TAS1R1: variants seen among roughly 807,000 people sequenced by gnomAD.
TAS1R1 encodes taste 1 receptor member 1.
Under a neutral mutation model 45.8 loss-of-function variants are expected in TAS1R1, and 31 were observed. The ratio of observed to expected loss-of-function variants is 0.68; its 90% CI spans 0.51 to 0.91. The LOEUF (loss-of-function observed/expected upper bound fraction) is 0.91. Among genes scored for constraint, TAS1R1 ranks in the 40% least tolerant of loss-of-function variants. The pLI is 0.00. For synonymous variants in TAS1R1, 437 were observed against 448.4 expected, an observed-to-expected ratio of 0.97 and a Z score of 0.32; for missense variants, 1,051 against 1,063.9, an observed-to-expected ratio of 0.99 and a Z score of 0.17.
intron 1 of TAS1R1, among the ~76,000 whole-genome samples, chr1:6,570,091 C>G (rs1302628410): frequency 6.6e-6 from 1 of 151,600 alleles, no homozygotes; most frequent in Non-Finnish European, 1.5e-5. Flanking sequence ...CTACCCATTC[C>G]TGGGTTTCAG....
intron 1 of TAS1R1, among the ~76,000 whole-genome samples, chr1:6,567,111 A>G (rs913951011): frequency 1.3e-5 from 2 of 152,122 alleles, no homozygotes; most frequent in Non-Finnish European, 2.9e-5. Context: ...TAGAATGGGG[A>G]TGGGTCAATG....
In TAS1R1 at chr1:6,579,712, A is replaced by G; in HGVS notation, c.*128A>G. On this transcript the variant is annotated 3_prime_UTR_variant, in exon 6 of 6. Transcript: ENST00000333172. ...GTTGGGACGTGTAAGCGCCTGGGAG[A>G]GCCTAGACCAGGCTCCGGGCTGCCA... 7.7e-7 allele frequency: 1 copy of G among 1,294,822 alleles called. No individual in the cohort carries two copies. Among genetic ancestry groups the G allele is most frequent in the Non-Finnish European group, 1.0e-6 (1 of 967,728 alleles). 80.2% of individuals were successfully genotyped at this position (1,294,822 alleles called of 1,614,324 possible).
At chr1:6,558,549 G>A (rs1639725724) in intron 1 of TAS1R1, among the ~76,000 whole-genome samples, 1 of 151,956 alleles carries the variant, frequency 6.6e-6, no homozygotes, top group African/African-American at 2.4e-5. Context: ...GTGAAACCCC[G>A]CCTCTACTAA....
intron 5 of TAS1R1, 78 bp from the exon 6 acceptor site, chr1:6,578,575 A>G (rs955694201): frequency 6.6e-7 from 1 of 1,509,966 alleles, no homozygotes; most frequent in African/African-American, 1.4e-5. Flanking sequence ...CAATTCTCCC[A>G]GTATCTTGCA....
intron 5 of TAS1R1, 144 bp from the exon 6 acceptor site, chr1:6,578,509 C>G: frequency 1.4e-6 from 2 of 1,415,342 alleles, no homozygotes; most frequent in Non-Finnish European, 1.9e-6. Context: ...GGCCTCAGGC[C>G]CCACTCCCGG....
intron 2 of TAS1R1, among the ~76,000 whole-genome samples, chr1:6,573,507 T>TC (rs1269104722): frequency 6.6e-6 from 1 of 152,096 alleles, no homozygotes; most frequent in Non-Finnish European, 1.5e-5. Context: ...TCTGCGGACA[T>TC]CCTTAGGGAC....
Position 6,579,485 on chromosome 1 carries a change from G to T in TAS1R1, c.2427G>T (p.Leu809=), listed in dbSNP as rs750315761. 2.4e-5 allele frequency: 38 copies of T among 1,614,010 alleles called. No homozygotes were observed. Among genetic ancestry groups the T allele is most frequent in the Non-Finnish European group, 3.1e-5 (36 of 1,180,026 alleles). Reference sequence around the variant, plus strand: ...GCAGCGGCTTCGGTGGGTATTTTCTGCCTAAGTGCTACGTGATCCTCTGCC... The same window carrying T: ...GCAGCGGCTTCGGTGGGTATTTTCTTCCTAAGTGCTACGTGATCCTCTGCC... ...SLSSGFGGYF[L]PKCYVILCRP... is the part of the protein sequence containing the mutation. Residue 809 remains leucine (L), a synonymous_variant, in exon 6 of 6, where the codon CTG becomes CTT. Coordinates refer to ENST00000333172, the MANE Select transcript of TAS1R1 (RefSeq NM_138697.4).
intron 2 of TAS1R1, among the ~76,000 whole-genome samples, chr1:6,571,852 G>T (rs1319844826): frequency 6.6e-6 from 1 of 152,094 alleles, no homozygotes; most frequent in Non-Finnish European, 1.5e-5. Flanking sequence ...GACACCCTTT[G>T]CTTCCCACCC....
At chr1:6,557,132 A>G (rs1164440669) in intron 1 of TAS1R1, among the ~76,000 whole-genome samples, 1 of 151,108 alleles carries the variant, frequency 6.6e-6, no homozygotes, top group African/African-American at 2.4e-5. Context: ...AGCACACGAG[A>G]TGGTTGGCTC....
At chr1:6,565,861 T>C (rs767395425) in intron 1 of TAS1R1, among the ~76,000 whole-genome samples, 41 of 152,138 alleles carry the variant, frequency 2.7e-4, no homozygotes, top group Non-Finnish European at 4.4e-4. Context: ...TGAAGAAGCC[T>C]GCATTCCTAA....
chr1:6,565,495 C>A (rs988561818), intron 1 of TAS1R1, among the ~76,000 whole-genome samples: 2 of 152,124 alleles, frequency 1.3e-5, no homozygotes. Context: ...GGAGGGCTTC[C>A]TTTTTGTTGG....
intron 1 of TAS1R1, among the ~76,000 whole-genome samples, chr1:6,569,236 C>T (rs893121914): frequency 2.0e-5 from 3 of 151,954 alleles, no homozygotes; most frequent in African/African-American, 7.3e-5. Context: ...GAGGAGTCAT[C>T]GACTGGGGCT....
At position 6,579,262 on chromosome 1, in the gene TAS1R1, A is replaced by G. The variant is rs1570144659; in HGVS notation, c.2204A>G (p.Asn735Ser). ...SLGFILAFLY[N>S]GLLSISAFAC... Reference sequence around the variant, plus strand: ...GGCTTCATACTGGCCTTCCTCTACAATGGCCTCCTCTCCATCAGTGCCTTT... The same window carrying G: ...GGCTTCATACTGGCCTTCCTCTACAGTGGCCTCCTCTCCATCAGTGCCTTT... The change falls in exon 6 of 6, where the codon AAT becomes AGT. Residue 735 changes from asparagine (N) to serine (S), a missense_variant. Asn to Ser is a conservative substitution (Grantham distance 46, BLOSUM62 1). Coordinates refer to ENST00000333172, the MANE Select transcript of TAS1R1 (RefSeq NM_138697.4). 6.2e-7 allele frequency: 1 copy of G among 1,614,174 alleles called. No homozygotes were observed. The highest frequency in any genetic ancestry group is 8.5e-7 in the Non-Finnish European group (1 of 1,180,020).
At position 6,555,534 on chromosome 1, in the gene TAS1R1, G is replaced by A; in HGVS notation, c.161G>A (p.Arg54Lys). The change falls in exon 1 of 6, where the codon AGG (arginine) becomes AAG (lysine). Residue 54 changes from arginine (R) to lysine (K), a missense_variant. Coordinates refer to ENST00000333172, the MANE Select transcript of TAS1R1 (RefSeq NM_138697.4). ...FPLHSGCLQVRHRPEVTLCDR... is the reference protein window; with the variant it reads ...FPLHSGCLQVKHRPEVTLCDR... ...CTCCATTCTGGCTGTCTGCAGGTGA[G>A]GCACAGACCCGAGGTGACCCTGTGT... is the stretch of plus-strand genomic sequence containing the variant. 1.3e-6 allele frequency: 2 copies of A among 1,555,584 alleles called. No individual in the cohort carries two copies. Among genetic ancestry groups the A allele is most frequent in the Non-Finnish European group, 1.7e-6 (2 of 1,149,200 alleles).
intron 1 of TAS1R1, among the ~76,000 whole-genome samples, chr1:6,566,554 C>T (rs981660064): frequency 2.6e-5 from 4 of 151,914 alleles, no homozygotes; most frequent in Non-Finnish European, 1.5e-5. Flanking sequence ...GGCTGTAGAC[C>T]CTTTTGGTGG....
intron 2 of TAS1R1, among the ~76,000 whole-genome samples, chr1:6,573,159 A>C (rs1181924004): frequency 6.6e-6 from 1 of 152,138 alleles, no homozygotes; most frequent in Non-Finnish European, 1.5e-5. Context: ...CGCTCATGAA[A>C]TGCAAGTCCC....
At chr1:6,577,685 G>C (rs771739841) in intron 5 of TAS1R1, among the ~76,000 whole-genome samples, 4 of 151,840 alleles carry the variant, frequency 2.6e-5, no homozygotes, top group East Asian at 1.9e-4. Flanking sequence ...AAAGTTAGCC[G>C]GGCGTTGTGG....
At chr1:6,564,980 C>CTTA (rs1639850258) in intron 1 of TAS1R1, among the ~76,000 whole-genome samples, 1 of 151,516 alleles carries the variant, frequency 6.6e-6, no homozygotes, top group African/African-American at 2.4e-5. Flanking sequence ...GGTTATGTCT[C>CTTA]TTAGTGCGGT....
In TAS1R1 at chr1:6,579,137, C is replaced by A; in HGVS notation, c.2079C>A (p.Ile693=). The stretch of plus-strand genomic sequence containing the variant: ...TCAGCTCAGCGGCCCAGCTGCTTAT[C>A]TGTCTAACTTGGCTGGTGGTGTGGA... ...VMISSAAQLL[I]CLTWLVVWTP... The change falls in exon 6 of 6, where the codon ATC becomes ATA. Residue 693 remains isoleucine (I), a synonymous_variant. Coordinates refer to ENST00000333172, the MANE Select transcript of TAS1R1 (RefSeq NM_138697.4). 2 of 1,614,244 alleles carry A rather than the reference C, an allele frequency of 1.2e-6. No homozygotes were observed. The highest frequency in any genetic ancestry group is 1.7e-6 in the Non-Finnish European group (2 of 1,180,052).
Sources: allele counts gnomAD v4.1 joint callset (sites outside exome capture counted in the v4.1 genomes callset), GRCh38; gene constraint gnomAD v4.1.1; transcripts MANE v1.5; gene names NCBI Gene and HGNC (gene_info 2026-07-23, HGNC 2026-07-21).